The following RPS6KA5 variants were observed in gnomAD, a reference collection of about 807,000 sequenced individuals.
RPS6KA5 encodes ribosomal protein S6 kinase A5.
In RPS6KA5, 27 loss-of-function variants were observed where a neutral mutation model predicts 85.5. The ratio of observed to expected loss-of-function variants is 0.32; its 90% CI spans 0.23 to 0.44. RPS6KA5 has a LOEUF of 0.44. Among genes scored for constraint, RPS6KA5 ranks in the 20% least tolerant of loss-of-function variants. The pLI is 1.00. For synonymous variants in RPS6KA5, 334 were observed against 348.2 expected (o/e 0.96, Z 0.46); for missense variants, 811 against 980.9 (o/e 0.83, Z 2.31).
In RPS6KA5 at chr14:90,862,613, G is replaced by A. The variant is rs1023900603; in HGVS notation, c.*9461C>T. On this transcript the variant is annotated 3_prime_UTR_variant, in exon 17 of 17. Transcript: ENST00000614987. ...CTCCCAGGTATTTGGTACTACAGGT[G>A]TGCACCACCATCCTTGGCTAATTAA... The A allele has an allele frequency of 6.6e-6, 1 of 152,088 alleles. No homozygotes were observed. Among genetic ancestry groups the A allele is most frequent in the African/African-American group, 2.4e-5 (1 of 41,400 alleles). 9.4% of individuals were successfully genotyped at this position (152,088 alleles called of 1,614,324 possible). A position where few individuals can be genotyped will look rare whatever the true frequency, so the allele number is the denominator to read the frequency against.
chr14:90,994,307 A>T (rs1356107947), intron 2 of RPS6KA5, among the ~76,000 whole-genome samples: 1 of 152,036 alleles, frequency 6.6e-6, no homozygotes, highest in African/African-American at 2.4e-5. Flanking sequence ...CTACCAGTAA[A>T]GCATCCATTA....
intron 3 of RPS6KA5, among the ~76,000 whole-genome samples, chr14:90,961,461 G>A (rs745983229): frequency 6.6e-6 from 1 of 152,052 alleles, no homozygotes; most frequent in African/African-American, 2.4e-5. Flanking sequence ...TCAGGCAGTC[G>A]GACTTGATAA....
chr14:91,044,176 G>A (rs1002803892), intron 1 of RPS6KA5, among the ~76,000 whole-genome samples: 4 of 151,396 alleles, frequency 2.6e-5, no homozygotes, highest in African/African-American at 9.7e-5. Flanking sequence ...GCAGTGAGTC[G>A]AGATCGCGCC....
chr14:90,964,271 T>C (rs1245130402), intron 3 of RPS6KA5, among the ~76,000 whole-genome samples: 1 of 152,138 alleles, frequency 6.6e-6, no homozygotes, highest in Non-Finnish European at 1.5e-5. Context: ...TTGGGCGCCT[T>C]TTTTTATTCC....
chr14:90,856,087 A>C lies in RPS6KA5; in HGVS notation c.*15987T>G, dbSNP rs1341645707. Reference sequence around the variant, plus strand: ...CACCATGGAAACATACAGCACTTTGACATCTGTCCGAGCACTACCCAATAA... The same window carrying C: ...CACCATGGAAACATACAGCACTTTGCCATCTGTCCGAGCACTACCCAATAA... On this transcript the variant is annotated 3_prime_UTR_variant, in exon 17 of 17. Transcript: ENST00000614987. The C allele has an allele frequency of 6.6e-6, 1 of 152,242 alleles. No individual in the cohort carries two copies. Among genetic ancestry groups the C allele is most frequent in the Non-Finnish European group, 1.5e-5 (1 of 68,044 alleles). The allele number at this position is 152,242 out of a possible 1,614,324, so 9.4% of individuals were successfully genotyped here.
chr14:90,872,410 C>A, intron 16 of RPS6KA5, 88 bp from the exon 17 acceptor site: 4 of 1,453,070 alleles, frequency 2.8e-6, no homozygotes, highest in Non-Finnish European at 3.7e-6. Context: ...AGACAACTTT[C>A]CATTGGCAAC....
At position 90,978,410 on chromosome 14, in the gene RPS6KA5, T is replaced by C. The variant is rs1309143667; in HGVS notation, c.290A>G (p.His97Arg). Reference protein sequence around the residue: ...TIVQKAKTTEHTRTERQVLEH... With the variant: ...TIVQKAKTTERTRTERQVLEH... ...CAGGACTTGTCGTTCTGTCCTTGTA[T>C]GCTCTGTGGTTTTGGCCTTTTGAAC... Residue 97 changes from histidine (H) to arginine (R), a missense_variant, in exon 3 of 17, where the codon CAT becomes CGT. Coordinates refer to ENST00000614987, the MANE Select transcript of RPS6KA5 (RefSeq NM_004755.4). 2.5e-6 allele frequency: 4 copies of C among 1,613,924 alleles called. No individual in the cohort carries two copies. The highest frequency in any genetic ancestry group is 1.3e-5 in the African/African-American group (1 of 74,946).
At chr14:90,991,619 T>C (rs1482652678) in intron 2 of RPS6KA5, among the ~76,000 whole-genome samples, 1 of 147,858 alleles carries the variant, frequency 6.8e-6, no homozygotes, top group Admixed American at 7.1e-5. Context: ...GGAAAATAGC[T>C]TGAACTTGGG....
rs192976468 is a variant in RPS6KA5 at position 90,978,888 on chromosome 14, T to C, written c.176-364A>G. Among the ~76,000 whole-genome samples, 30 of 152,274 alleles carry C rather than the reference T, an allele frequency of 2.0e-4. 1 individual carries two copies. The East Asian group carries it at 5.8e-3, about 29-fold the overall frequency. ...AGACATCAGATAAAACTTCTAGATA[T>C]ATATATATTTATTACTGATGTAGAC... On this transcript the variant is annotated intron_variant, in intron 2 of 16. Transcript: ENST00000614987.
In RPS6KA5 at chr14:90,906,248, C is replaced by T. The variant is rs763660726; in HGVS notation, c.858G>A (p.Ala286=). 1.4e-5 allele frequency: 23 copies of T among 1,611,972 alleles called. No homozygotes were observed. The highest frequency in any genetic ancestry group is 1.7e-4 in the Middle Eastern group (1 of 6,054). ...PPYPQEMSAL[A]KDLIQRLLMK... ...TCAAAAGACGCTGAATTAGGTCTTT[C>T]GCTAAAGCACTCATTTCTTGGGGAT... The change falls in exon 8 of 17, where the codon GCG becomes GCA. Residue 286 remains alanine (A), a synonymous_variant. Transcript: ENST00000614987.
chr14:90,941,265 CG>C (rs1372635083), intron 5 of RPS6KA5, among the ~76,000 whole-genome samples: 1 of 151,996 alleles, frequency 6.6e-6, no homozygotes, highest in Admixed American at 6.5e-5. Context: ...TCTGTGGCAC[CG>C]GGTGGGATTG....
At position 90,904,036 on chromosome 14, in the gene RPS6KA5, A is replaced by G. The variant is rs367623938; in HGVS notation, c.958-1067T>C. Among the ~76,000 whole-genome samples the G allele has an allele frequency of 3.0e-4, 45 of 150,246 alleles. 1 individual carries two copies. Among genetic ancestry groups the G allele is most frequent in the Non-Finnish European group, 5.8e-4 (39 of 67,750 alleles). ...ATCTCGGCTCACTACTACAAGCTCCACCTCCTGAGTTCACGCCATTCTCCT... is the reference window on the plus strand; with the variant it reads ...ATCTCGGCTCACTACTACAAGCTCCGCCTCCTGAGTTCACGCCATTCTCCT... On this transcript the variant is annotated intron_variant, in intron 8 of 16. Transcript: ENST00000614987.
At chr14:90,930,470 T>A (rs888374558) in intron 5 of RPS6KA5, among the ~76,000 whole-genome samples, 1 of 152,134 alleles carries the variant, frequency 6.6e-6, no homozygotes, top group Non-Finnish European at 1.5e-5. Context: ...CTTCATGACA[T>A]TGGATCTGGC....
chr14:90,956,250 C>A (rs1343449467), intron 3 of RPS6KA5, among the ~76,000 whole-genome samples: 1 of 152,132 alleles, frequency 6.6e-6, no homozygotes, highest in Non-Finnish European at 1.5e-5. Flanking sequence ...AACCAATCTT[C>A]ATGGATTGGC....
At chr14:91,017,474 T>C (rs978878384) in intron 1 of RPS6KA5, among the ~76,000 whole-genome samples, 1 of 152,212 alleles carries the variant, frequency 6.6e-6, no homozygotes, top group Non-Finnish European at 1.5e-5. Flanking sequence ...TGGAATTCAC[T>C]GGTCTTACCA....
intron 1 of RPS6KA5, among the ~76,000 whole-genome samples, chr14:91,034,138 C>G (rs996963441): frequency 6.6e-6 from 1 of 151,870 alleles, no homozygotes; most frequent in Non-Finnish European, 1.5e-5. Context: ...AAAACCCTTA[C>G]ATAAAAATAC....
At position 90,858,422 on chromosome 14, in the gene RPS6KA5, A is replaced by T. The variant is rs901661583; in HGVS notation, c.*13652T>A. On this transcript the variant is annotated 3_prime_UTR_variant, in exon 17 of 17. Coordinates refer to ENST00000614987, the MANE Select transcript of RPS6KA5 (RefSeq NM_004755.4). ...TTTCTAGGATTCGACATTTTCAGCG[A>T]TCGAGAATTATTATACTTTGTAAAT... The T allele has an allele frequency of 1.3e-5, 2 of 152,204 alleles. No individual in the cohort carries two copies. The highest frequency in any genetic ancestry group is 1.3e-4 in the Admixed American group (2 of 15,282). The allele number at this position is 152,204 out of a possible 1,614,324, so 9.4% of individuals were successfully genotyped here. A position where few individuals can be genotyped will look rare whatever the true frequency, so the allele number is the denominator to read the frequency against.
At chr14:90,961,312 G>A (rs1435631438) in intron 3 of RPS6KA5, among the ~76,000 whole-genome samples, 1 of 152,168 alleles carries the variant, frequency 6.6e-6, no homozygotes, top group Admixed American at 6.5e-5. Flanking sequence ...ATTTTCCAGA[G>A]TTGTACATCT....
intron 1 of RPS6KA5, among the ~76,000 whole-genome samples, chr14:91,037,087 C>G (rs997788689): frequency 1.3e-5 from 2 of 152,180 alleles, no homozygotes. Context: ...GGAGAAACTA[C>G]TACCTAATGG....
Sources: gnomAD v4.1 joint callset for allele counts (sites outside exome capture counted in the v4.1 genomes callset) on GRCh38, gnomAD v4.1.1 for gene constraint, MANE v1.5 for transcripts, NCBI Gene and HGNC (gene_info 2026-07-23, HGNC 2026-07-21) for gene names.